Variants in SYK observed in about 807,000 individuals in gnomAD.
SYK encodes the protein spleen associated tyrosine kinase, also known as tyrosine-protein kinase SYK.
A neutral mutation model predicts 77.8 loss-of-function variants in SYK; 16 were observed. The ratio of observed to expected loss-of-function variants is 0.21; its 90% CI spans 0.14 to 0.31. The LOEUF is 0.31. SYK is among the 10% of genes least tolerant of loss of function. The pLI, the probability that SYK is intolerant of heterozygous loss-of-function variation, is 1.00. For missense variants in SYK, 529 were observed against 814.4 expected (o/e 0.65, Z 4.26); for synonymous variants, 312 against 308.7 (o/e 1.01, Z -0.11).
chr9:90,805,823 G>T (rs74977745), intron 1 of SYK, among the ~76,000 whole-genome samples: 2 of 151,920 alleles, frequency 1.3e-5, no homozygotes, highest in Non-Finnish European at 2.9e-5. Context: ...CCATCCTTTG[G>T]TACTGCTTTG....
At position 90,887,322 on chromosome 9, in the gene SYK, C is replaced by T. The variant is rs529165625; in HGVS notation, c.1582-427C>T. Reference sequence around the variant, plus strand: ...TTATCCACTCATCTGCTGAAGGACACTTGGGTTGCTTTCATGTTTTAGCTA... The same window carrying T: ...TTATCCACTCATCTGCTGAAGGACATTTGGGTTGCTTTCATGTTTTAGCTA... On this transcript the variant is annotated intron_variant, in intron 11 of 13. Coordinates refer to ENST00000375754, the MANE Select transcript of SYK (RefSeq NM_003177.7). Among the ~76,000 whole-genome samples the T allele has an allele frequency of 2.0e-5, 3 of 151,884 alleles. No homozygotes were observed. The South Asian group carries it at 6.2e-4, about 31-fold the overall frequency.
chr9:90,862,416 T>C, intron 4 of SYK, 72 bp downstream of exon 4: 1 of 1,525,206 alleles, frequency 6.6e-7, no homozygotes, highest in South Asian at 1.3e-5. Flanking sequence ...CATGGACTCT[T>C]AGACATGAGA....
In SYK at chr9:90,847,556, C is replaced by T. The variant is rs923743334; in HGVS notation, c.578+1962C>T. On this transcript the variant is annotated intron_variant, in intron 3 of 13. Coordinates refer to ENST00000375754, the MANE Select transcript of SYK (RefSeq NM_003177.7). ...TCAGTCCCACACCTTCCCGTGCTCC[C>T]TCCACACCTGCAGGGCTCACCTGTG... Among the ~76,000 whole-genome samples, 5 of 152,262 alleles carry T rather than the reference C, an allele frequency of 3.3e-5. No individual in the cohort carries two copies. In the East Asian group the frequency reaches 9.6e-4, roughly 29 times the overall value.
intron 1 of SYK, among the ~76,000 whole-genome samples, chr9:90,835,060 C>A (rs190246787): frequency 6.6e-6 from 1 of 150,908 alleles, no homozygotes; most frequent in East Asian, 2.0e-4. Context: ...ATAGTCTGTA[C>A]TAGATGAGAC....
At chr9:90,866,179 G>A (rs1000570146) in intron 6 of SYK, among the ~76,000 whole-genome samples, 5 of 152,176 alleles carry the variant, frequency 3.3e-5, no homozygotes, top group African/African-American at 4.8e-5. Flanking sequence ...GATTACAGGC[G>A]TGAGCCACCG....
In SYK at chr9:90,884,518, C is replaced by CAT. The variant is rs1406295113; in HGVS notation, c.1582-3229_1582-3228dup. 4.7e-5 allele frequency among the ~76,000 whole-genome samples: 4 copies of CAT among 84,652 alleles called. 1 individual carries two copies. The highest frequency in any genetic ancestry group is 7.6e-5 in the African/African-American group (2 of 26,394). The allele number at this position is 84,652 out of a possible 152,430, so 55.5% of individuals were successfully genotyped here. A position where few individuals can be genotyped will look rare whatever the true frequency, so the allele number is the denominator to read the frequency against. On this transcript the variant is annotated intron_variant, in intron 11 of 13. Coordinates refer to ENST00000375754, the MANE Select transcript of SYK (RefSeq NM_003177.7). ...ATATGTGTACATGTACATACATACA[C>CAT]ATACACATATGTGTACATGTACATA... is the stretch of plus-strand genomic sequence containing the variant.
At chr9:90,865,961 C>G (rs560453128) in intron 6 of SYK, among the ~76,000 whole-genome samples, 2 of 119,040 alleles carry the variant, frequency 1.7e-5, no homozygotes, top group African/African-American at 6.5e-5. Context: ...TGCAGTGGCG[C>G]GATCTCAGCT....
In SYK at chr9:90,817,882, T is replaced by TGTGTGTGTGTGAGA. The variant is rs1302553724; in HGVS notation, c.-42+15990_-42+15991insTGTGTGTGTGAGAG. On this transcript the variant is annotated intron_variant, in intron 1 of 13. Coordinates refer to ENST00000375754, the MANE Select transcript of SYK (RefSeq NM_003177.7). ...GTGTGTGTGTGTGTGTGTGTGTGTG[T>TGTGTGTGTGTGAGA]GAGAGAGAGAGAGAGAGAGAGAGAG... is the stretch of plus-strand genomic sequence containing the variant. Among the ~76,000 whole-genome samples, 43 of 66,910 alleles carry TGTGTGTGTGTGAGA rather than the reference T, an allele frequency of 6.4e-4. No homozygotes were observed. In the East Asian group the frequency reaches 0.016, roughly 25 times the overall value. 43.9% of individuals were successfully genotyped at this position (66,910 alleles called of 152,430 possible).
chr9:90,845,372 C>T (rs1826547672), intron 2 of SYK, 62 bp from the exon 3 acceptor site: 1 of 1,544,104 alleles, frequency 6.5e-7, no homozygotes, highest in Non-Finnish European at 8.8e-7. Context: ...TTGGAAATGC[C>T]TTCTGCATCA....
At chr9:90,880,717 C>G (rs1241716476) in intron 11 of SYK, among the ~76,000 whole-genome samples, 2 of 152,238 alleles carry the variant, frequency 1.3e-5, no homozygotes, top group African/African-American at 2.4e-5. Flanking sequence ...GTTTCCCTGC[C>G]GTCCTGCTGT....
At chr9:90,880,164 C>G (rs1828095128) in intron 11 of SYK, among the ~76,000 whole-genome samples, 1 of 152,188 alleles carries the variant, frequency 6.6e-6, no homozygotes, top group Non-Finnish European at 1.5e-5. Flanking sequence ...TCAGAGACCC[C>G]ACCCTGAGTG....
intron 1 of SYK, chr9:90,827,648 G>C (rs896454680): frequency 1.3e-4 from 20 of 152,176 alleles, no homozygotes; most frequent in African/African-American, 4.6e-4. Context: ...ATCTGTGGGT[G>C]TCTGTAGGAG....
chr9:90,810,777 CAG>C (rs1363242168), intron 1 of SYK, among the ~76,000 whole-genome samples: 1 of 152,108 alleles, frequency 6.6e-6, no homozygotes, highest in African/African-American at 2.4e-5. Context: ...TGAGAAGACT[CAG>C]GGAAGAAATG....
chr9:90,890,075 G>A (rs1470393776), intron 13 of SYK, among the ~76,000 whole-genome samples: 1 of 152,210 alleles, frequency 6.6e-6, no homozygotes, highest in Admixed American at 6.5e-5. Flanking sequence ...CGCAGTGGGG[G>A]AGTTTTTGCA....
Position 90,805,753 on chromosome 9 carries a change from T to G in SYK, c.-42+3860T>G, listed in dbSNP as rs56812894. 3.9e-5 allele frequency among the ~76,000 whole-genome samples: 6 copies of G among 152,380 alleles called. No homozygotes were observed. In the East Asian group the frequency reaches 1.2e-3, roughly 29 times the overall value. On this transcript the variant is annotated intron_variant, in intron 1 of 13. Transcript: ENST00000375754. The stretch of plus-strand genomic sequence containing the variant: ...GACATGAAAATGTTTTGGTGTGACC[T>G]AAGTTAATTTCTCTTTTTGTTTAAT...
At chr9:90,885,850 C>A (rs767994390) in intron 11 of SYK, among the ~76,000 whole-genome samples, 7 of 152,144 alleles carry the variant, frequency 4.6e-5, no homozygotes, top group African/African-American at 7.2e-5. Context: ...CAGCAGACAC[C>A]TTACAGGCCA....
intron 1 of SYK, among the ~76,000 whole-genome samples, chr9:90,818,245 C>G (rs1825368633): frequency 6.6e-6 from 1 of 152,198 alleles, no homozygotes; most frequent in South Asian, 2.1e-4. Context: ...AACACCCAAG[C>G]AATCTGATAT....
chr9:90,833,510 G>A (rs554905579), intron 1 of SYK, among the ~76,000 whole-genome samples: 4 of 152,162 alleles, frequency 2.6e-5, no homozygotes, highest in Admixed American at 6.5e-5. Flanking sequence ...TCCTCTGTAG[G>A]GGATGAAATT....
intron 4 of SYK, among the ~76,000 whole-genome samples, chr9:90,863,833 T>A (rs1827364866): frequency 1.3e-5 from 2 of 152,180 alleles, no homozygotes; most frequent in South Asian, 4.2e-4. Flanking sequence ...AAAGGGCATT[T>A]TATGTGTGTG....
Sources: allele counts gnomAD v4.1 joint callset (sites outside exome capture counted in the v4.1 genomes callset), GRCh38; gene constraint gnomAD v4.1.1; transcripts MANE v1.5; gene names NCBI Gene and HGNC (gene_info 2026-07-23, HGNC 2026-07-21).